Variants in DAB1 observed in about 807,000 individuals in gnomAD.
DAB1 encodes the protein disabled homolog 1.
DAB1 carries 15 observed loss-of-function variants against 64.6 expected under a neutral mutation model. That is an observed-to-expected ratio of 0.23 (90% CI 0.16 to 0.36). DAB1 has a LOEUF of 0.36. Ranked by LOEUF, DAB1 falls within the 10% of genes least tolerant of loss-of-function variation. The pLI, the probability that DAB1 is intolerant of heterozygous loss-of-function variation, is 1.00. For synonymous variants in DAB1, 235 were observed against 251.9 expected, an observed-to-expected ratio of 0.93 and a Z score of 0.64; for missense variants, 596 against 706.7, an observed-to-expected ratio of 0.84 and a Z score of 1.78.
At chr1:57,190,541 C>G (rs926411885) in intron 2 of DAB1, among the ~76,000 whole-genome samples, 4 of 152,164 alleles carry the variant, frequency 2.6e-5, no homozygotes, top group Non-Finnish European at 5.9e-5. Flanking sequence ...AAAGCTCCAG[C>G]CTGTTCAGGT....
At chr1:58,265,378 G>T (rs2100421217) in intron 4 of DAB1, among the ~76,000 whole-genome samples, 1 of 152,244 alleles carries the variant, frequency 6.6e-6, no homozygotes, top group Non-Finnish European at 1.5e-5. Flanking sequence ...AACTCTTTCA[G>T]TCTTCCTCAC....
At chr1:58,162,534 C>T (rs906575817) in intron 4 of DAB1, among the ~76,000 whole-genome samples, 11 of 152,186 alleles carry the variant, frequency 7.2e-5, no homozygotes, top group African/African-American at 2.7e-4. Flanking sequence ...CCTCCTTGAA[C>T]ACCTTAGCGA....
intron 4 of DAB1, among the ~76,000 whole-genome samples, chr1:58,275,623 T>G (rs1249530626): frequency 6.6e-6 from 1 of 152,178 alleles, no homozygotes; most frequent in Non-Finnish European, 1.5e-5. Flanking sequence ...GATAGCAACT[T>G]ATACTCATTT....
chr1:57,417,266 T>C (rs1170309535), intron 1 of DAB1, among the ~76,000 whole-genome samples: 1 of 150,338 alleles, frequency 6.7e-6, no homozygotes, highest in Non-Finnish European at 1.5e-5. Context: ...ATGCCAGAGG[T>C]TGCAAATTGT....
intron 7 of DAB1, among the ~76,000 whole-genome samples, chr1:57,511,580 T>C (rs1462161207): frequency 2.0e-5 from 3 of 152,228 alleles, no homozygotes; most frequent in Non-Finnish European, 4.4e-5. Flanking sequence ...TTTCTTTGTT[T>C]ATTAATTTCC....
Position 57,193,381 on chromosome 1 carries a change from G to GTTTTTTTTTT in DAB1, c.68-47962_68-47953dup, listed in dbSNP as rs999329119. 7.0e-3 allele frequency among the ~76,000 whole-genome samples: 584 copies of GTTTTTTTTTT among 83,064 alleles called. 108 individuals carry two copies. The highest frequency in any genetic ancestry group is 0.045 in the East Asian group (119 of 2,640). The allele number at this position is 83,064 out of a possible 152,430, so 54.5% of individuals were successfully genotyped here. On this transcript the variant is annotated intron_variant, in intron 2 of 14. Transcript: ENST00000371236. Reference sequence around the variant, plus strand: ...CCTTCCAGATTCATCCGTAGCATATGTTTTTTTTTTTTTTTTTTTTTTTGA... The same window carrying GTTTTTTTTTT: ...CCTTCCAGATTCATCCGTAGCATATGTTTTTTTTTTTTTTTTTTTTTTTTTTTTTTTTTGA...
rs768255896 is a variant in DAB1 at position 58,107,469 on chromosome 1, C to CA, written n.387+43041dup. Among the ~76,000 whole-genome samples, 1,001 of 107,128 alleles carry CA rather than the reference C, an allele frequency of 9.3e-3. 2 individuals are homozygous for CA. Among genetic ancestry groups the CA allele is most frequent in the Non-Finnish European group, 0.012 (602 of 50,348 alleles). The allele number at this position is 107,128 out of a possible 152,430, so 70.3% of individuals were successfully genotyped here. A position where few individuals can be genotyped will look rare whatever the true frequency, so the allele number is the denominator to read the frequency against. ...CTGGGTGACAGCAAGACTCCATCTC[C>CA]AAAAAAAAAAAAAAAATCTAAAAAA... On this transcript the variant is annotated intron_variant and non_coding_transcript_variant, in intron 5 of 20. Coordinates refer to the DAB1 transcript ENST00000485760.
intron 1 of DAB1, among the ~76,000 whole-genome samples, chr1:57,419,038 G>A (rs1197606028): frequency 6.6e-6 from 1 of 152,164 alleles, no homozygotes. Context: ...ATTCAGTTCA[G>A]TGTGAGTTTT....
chr1:57,693,471 G>A (rs1646788154), intron 6 of DAB1, among the ~76,000 whole-genome samples: 1 of 152,144 alleles, frequency 6.6e-6, no homozygotes, highest in South Asian at 2.1e-4. Context: ...GATTGTAAAT[G>A]CACTAAGCAC....
intron 12 of DAB1, among the ~76,000 whole-genome samples, chr1:57,013,036 G>A (rs1194671957): frequency 6.6e-6 from 1 of 152,180 alleles, no homozygotes; most frequent in African/African-American, 2.4e-5. Context: ...CATTTTTCTC[G>A]ACACTAGAGG....
At chr1:57,914,863 C>T (rs1644702815) in intron 5 of DAB1, among the ~76,000 whole-genome samples, 2 of 152,076 alleles carry the variant, frequency 1.3e-5, no homozygotes, top group African/African-American at 4.8e-5. Context: ...TGCCAAAAAG[C>T]AGAGTCTCAG....
intron 4 of DAB1, among the ~76,000 whole-genome samples, chr1:58,328,990 GT>G (rs1662911126): frequency 6.6e-6 from 1 of 152,186 alleles, no homozygotes; most frequent in East Asian, 1.9e-4. Flanking sequence ...GTAAGCTCTT[GT>G]CATTGAATTT....
rs1240345715 is a variant in DAB1, at chr1:58,048,266, C to T, written n.387+102245G>A. 13 of 1,283,542 alleles carry T rather than the reference C, an allele frequency of 1.0e-5. No homozygotes were observed. The African/African-American group carries it at 1.6e-4, about 16-fold the overall frequency. The allele number at this position is 1,283,542 out of a possible 1,614,324, so 79.5% of individuals were successfully genotyped here. A position where few individuals can be genotyped will look rare whatever the true frequency, so the allele number is the denominator to read the frequency against. On this transcript the variant is annotated intron_variant and non_coding_transcript_variant, in intron 5 of 20. Coordinates refer to the DAB1 transcript ENST00000485760. ...CAGTTTGGCAAAGTATTGGCCTCCA[C>T]CGCCATAGGGGCCAGAGCTTCTGCC... is the stretch of plus-strand genomic sequence containing the variant.
chr1:57,055,006 A>T (rs1407573064), intron 9 of DAB1, among the ~76,000 whole-genome samples: 1 of 152,218 alleles, frequency 6.6e-6, no homozygotes, highest in Admixed American at 6.5e-5. Flanking sequence ...TGCTTATTCA[A>T]ATCTTACTCA....
chr1:57,484,122 G>A (rs1450784243), intron 7 of DAB1, among the ~76,000 whole-genome samples: 1 of 152,126 alleles, frequency 6.6e-6, no homozygotes, highest in Non-Finnish European at 1.5e-5. Context: ...TTCCTGGCAG[G>A]AAACATGGAG....
chr1:57,992,168 T>G (rs1363621254), intron 5 of DAB1, among the ~76,000 whole-genome samples: 1 of 152,154 alleles, frequency 6.6e-6, no homozygotes, highest in Non-Finnish European at 1.5e-5. Flanking sequence ...ACATACAGTA[T>G]ATAAAGTTCA....
At chr1:57,283,876 A>T (rs1051494807) in intron 2 of DAB1, among the ~76,000 whole-genome samples, 6 of 152,148 alleles carry the variant, frequency 3.9e-5, no homozygotes, top group African/African-American at 1.2e-4. Flanking sequence ...TCCTCTTGAG[A>T]CCTCACCTGT....
chr1:57,782,724 T>G (rs1650156740), intron 6 of DAB1, among the ~76,000 whole-genome samples: 1 of 152,192 alleles, frequency 6.6e-6, no homozygotes, highest in Non-Finnish European at 1.5e-5. Flanking sequence ...GGTAATGCTT[T>G]GAAGCTACAA....
At chr1:58,543,925 G>A (rs1646661855) in intron 1 of DAB1, among the ~76,000 whole-genome samples, 1 of 152,164 alleles carries the variant, frequency 6.6e-6, no homozygotes, top group Admixed American at 6.5e-5. Context: ...TGTGACTGGT[G>A]CATCTGAGGA....
Sources: gnomAD v4.1 joint callset for allele counts (sites outside exome capture counted in the v4.1 genomes callset) on GRCh38, gnomAD v4.1.1 for gene constraint, MANE v1.5 for transcripts, NCBI Gene and HGNC (gene_info 2026-07-23, HGNC 2026-07-21) for gene names.